SLCO1B3: variants seen among roughly 807,000 people sequenced by gnomAD.
The protein encoded by SLCO1B3 is solute carrier organic anion transporter family member 1B3.
Under a neutral mutation model 71.8 loss-of-function variants are expected in SLCO1B3, and 72 were observed. The ratio of observed to expected loss-of-function variants is 1.00; its 90% CI spans 0.83 to 1.22. The LOEUF (loss-of-function observed/expected upper bound fraction) is 1.22, where lower values mean the gene tolerates loss of function less well. Ranked by LOEUF, SLCO1B3 falls within the 50% of genes most tolerant of loss-of-function variation. The probability of loss-of-function intolerance (pLI) is 0.00; values close to 1 mark genes in which losing one functional copy is unlikely to be tolerated. For missense variants in SLCO1B3, 911 were observed against 819.7 expected, an observed-to-expected ratio of 1.11 and a Z score of -1.36; for synonymous variants, 298 against 278.4, an observed-to-expected ratio of 1.07 and a Z score of -0.70.
rs558972102 is a variant in SLCO1B3, at chr12:20,913,926, A to AT, written c.1866-2072dup. ...ACTAACATGCCTAGCTAATTTTTTG[A>AT]TTTTTTGTTTGTTTGTTTGTTTTAG... On this transcript the variant is annotated intron_variant, in intron 15 of 15. Coordinates refer to ENST00000381545, the MANE Select transcript of SLCO1B3 (RefSeq NM_019844.4). 3.4e-3 allele frequency among the ~76,000 whole-genome samples: 520 copies of AT among 151,894 alleles called. 5 individuals carry two copies. The highest frequency in any genetic ancestry group is 0.011 in the African/African-American group (467 of 41,440).
chr12:20,891,007 A>T (rs2121338802), intron 13 of SLCO1B3, among the ~76,000 whole-genome samples: 1 of 152,212 alleles, frequency 6.6e-6, no homozygotes, highest in East Asian at 1.9e-4. Context: ...TGTTTAGTAT[A>T]TTTATATATA....
chr12:20,828,164 G>C (rs940548137), intron 3 of SLCO1B3, among the ~76,000 whole-genome samples: 2 of 152,084 alleles, frequency 1.3e-5, no homozygotes, highest in African/African-American at 4.8e-5. Flanking sequence ...TCTCCAAAAG[G>C]AAAGAGATTC....
intron 5 of SLCO1B3, among the ~76,000 whole-genome samples, chr12:20,859,973 T>TTTTTTTC: frequency 6.7e-6 from 1 of 149,892 alleles, no homozygotes; most frequent in African/African-American, 2.4e-5. Context: ...TTTTTTTTTT[T>TTTTTTTC]TGAGACGGAG....
At chr12:20,858,380 G>A (rs551365858) in intron 4 of SLCO1B3, 59 bp from the exon 5 acceptor site, 65 of 1,271,646 alleles carry the variant, frequency 5.1e-5, no homozygotes, top group Non-Finnish European at 6.1e-5. Context: ...GGGGCATTCA[G>A]TTCTACTAGA....
intron 8 of SLCO1B3, among the ~76,000 whole-genome samples, chr12:20,863,231 T>C (rs919433480): frequency 1.9e-4 from 29 of 152,164 alleles, no homozygotes; most frequent in African/African-American, 7.0e-4. Flanking sequence ...GAAAGCCTCC[T>C]TGTGGCTGCT....
intron 13 of SLCO1B3, among the ~76,000 whole-genome samples, chr12:20,885,015 A>G (rs1306340113): frequency 6.6e-6 from 1 of 152,158 alleles, no homozygotes; most frequent in African/African-American, 2.4e-5. Flanking sequence ...ATAATTTCAT[A>G]CTAGTTTGCC....
chr12:20,883,519 A>G lies in SLCO1B3; in HGVS notation c.1599A>G (p.Lys533=). The G allele has an allele frequency of 1.9e-6, 3 of 1,604,948 alleles. No individual in the cohort carries two copies. The highest frequency in any genetic ancestry group is 2.5e-6 in the Non-Finnish European group (3 of 1,176,476). The change falls in exon 13 of 16, where the codon AAA becomes AAG. Residue 533 remains lysine, a synonymous_variant. Transcript: ENST00000381545. ...ECPRDNTCTR[K]FFIYVAIQVI... ...CAAGAGATAATACTTGTACAAGGAA[A>G]TTTTTCATCTATGTTGCAATTCAAG...
In SLCO1B3 at chr12:20,858,453, ATTGTAT is replaced by A. The variant is rs938937874; in HGVS notation, c.247_252del (p.Phe83_Val84del). ...TTTTTTTCTAGGAAATTTGCTTGTG[ATTGTAT>A]TTGTAAGTTACTTTGGATCTAAACT... On this transcript the variant is annotated inframe_deletion, in exon 5 of 16. Transcript: ENST00000381545. 34 of 1,588,466 alleles carry A rather than the reference ATTGTAT, an allele frequency of 2.1e-5. No individual in the cohort carries two copies. Among genetic ancestry groups the A allele is most frequent in the Non-Finnish European group, 2.8e-5 (32 of 1,157,326 alleles).
intron 9 of SLCO1B3, among the ~76,000 whole-genome samples, chr12:20,876,275 G>A (rs1565598558): frequency 6.6e-6 from 1 of 151,994 alleles, no homozygotes; most frequent in South Asian, 2.1e-4. Flanking sequence ...CAATAATCAA[G>A]AGAATGATCT....
chr12:20,820,391 A>T (rs928681855), intron 3 of SLCO1B3, among the ~76,000 whole-genome samples: 1 of 152,128 alleles, frequency 6.6e-6, no homozygotes, highest in African/African-American at 2.4e-5. Flanking sequence ...TCCCACACAG[A>T]TGGGACACGG....
intron 13 of SLCO1B3, 103 bp downstream of exon 13, chr12:20,883,705 AT>A: frequency 2.7e-6 from 2 of 740,260 alleles, no homozygotes; most frequent in Non-Finnish European, 2.2e-6. Context: ...TATTTTGTCA[AT>A]TTTTAATTCT....
At chr12:20,831,251 G>A (rs1162485791) in intron 3 of SLCO1B3, among the ~76,000 whole-genome samples, 1 of 150,724 alleles carries the variant, frequency 6.6e-6, no homozygotes, top group Non-Finnish European at 1.5e-5. Flanking sequence ...CAGCTACTTA[G>A]GAGGCTGAGG....
At chr12:20,824,277 A>G (rs113824114) in intron 3 of SLCO1B3, among the ~76,000 whole-genome samples, 7 of 152,326 alleles carry the variant, frequency 4.6e-5, no homozygotes, top group African/African-American at 1.7e-4. Context: ...TCAGTCTTCT[A>G]TTAGTTTGGT....
chr12:20,855,335 G>C (rs1865112029), intron 4 of SLCO1B3, among the ~76,000 whole-genome samples, 166 bp downstream of exon 4: 1 of 152,160 alleles, frequency 6.6e-6, no homozygotes, highest in African/African-American at 2.4e-5. Context: ...GGCTGGGGCA[G>C]GGAGGATGCC....
At chr12:20,814,108 G>A (rs1486196118) in intron 2 of SLCO1B3, among the ~76,000 whole-genome samples, 2 of 151,926 alleles carry the variant, frequency 1.3e-5, no homozygotes, top group Admixed American at 6.6e-5. Flanking sequence ...CTATATCTAT[G>A]TTATGTGTCT....
At chr12:20,847,095 AT>A (rs1864935221) in intron 3 of SLCO1B3, among the ~76,000 whole-genome samples, 1 of 152,130 alleles carries the variant, frequency 6.6e-6, no homozygotes. Context: ...TCCTGGAGGT[AT>A]TTAGAAAGCC....
At chr12:20,911,558 C>G (rs1375412347) in intron 15 of SLCO1B3, among the ~76,000 whole-genome samples, 2 of 151,998 alleles carry the variant, frequency 1.3e-5, no homozygotes, top group Admixed American at 6.6e-5. Context: ...GCCCATGAAC[C>G]CATCTTGGTT....
intron 15 of SLCO1B3, among the ~76,000 whole-genome samples, chr12:20,906,895 T>G (rs2120421027): frequency 6.6e-6 from 1 of 152,256 alleles, no homozygotes; most frequent in South Asian, 2.1e-4. Context: ...ACAGCAATAC[T>G]TCTAGGAATT....
At chr12:20,835,709 T>A (rs754454247) in intron 3 of SLCO1B3, among the ~76,000 whole-genome samples, 3 of 152,178 alleles carry the variant, frequency 2.0e-5, no homozygotes, top group African/African-American at 7.2e-5. Context: ...TACCAAACTT[T>A]CCCACATCTT....
Sources: allele counts gnomAD v4.1 joint callset (sites outside exome capture counted in the v4.1 genomes callset), GRCh38; gene constraint gnomAD v4.1.1; transcripts MANE v1.5; gene names NCBI Gene and HGNC (gene_info 2026-07-23, HGNC 2026-07-21).